The following ERC1 variants were observed in gnomAD, a reference collection of about 807,000 sequenced individuals.
ERC1 encodes ELKS/RAB6-interacting/CAST family member 1.
Under a neutral mutation model 132.0 loss-of-function variants are expected in ERC1, and 56 were observed. The observed-to-expected ratio is 0.42, with a 90% CI of 0.34 to 0.53. The LOEUF is 0.53. Ranked by LOEUF, ERC1 falls within the 20% of genes least tolerant of loss-of-function variation. The pLI is 0.03. For missense variants in ERC1, 1,202 were observed against 1,349.9 expected, an observed-to-expected ratio of 0.89 and a Z score of 1.72; for synonymous variants, 478 against 476.1, an observed-to-expected ratio of 1.00 and a Z score of -0.05.
intron 13 of ERC1, among the ~76,000 whole-genome samples, chr12:1,260,909 G>A (rs775831020): frequency 5.9e-5 from 9 of 152,072 alleles, no homozygotes; most frequent in Non-Finnish European, 1.2e-4. Flanking sequence ...TTATTATCGA[G>A]AAAGATTTTG....
chr12:1,268,291 G>T (rs1400065293), intron 14 of ERC1, among the ~76,000 whole-genome samples: 2 of 152,116 alleles, frequency 1.3e-5, no homozygotes, highest in East Asian at 3.8e-4. Flanking sequence ...TTTATTAAAT[G>T]GCAGTGTTGC....
intron 11 of ERC1, among the ~76,000 whole-genome samples, chr12:1,188,322 C>G (rs1174328630): frequency 6.6e-6 from 1 of 152,150 alleles, no homozygotes; most frequent in Non-Finnish European, 1.5e-5. Flanking sequence ...TGAAATATCT[C>G]CTGATCTTGG....
intron 1 of ERC1, among the ~76,000 whole-genome samples, chr12:1,015,589 C>A (rs889264395): frequency 2.0e-5 from 3 of 152,150 alleles, no homozygotes; most frequent in African/African-American, 7.2e-5. Context: ...TAAAGTGAAA[C>A]TTCTAGTTCA....
intron 16 of ERC1, among the ~76,000 whole-genome samples, chr12:1,391,680 C>T (rs574561331): frequency 1.2e-4 from 18 of 152,274 alleles, no homozygotes; most frequent in African/African-American, 2.6e-4. Context: ...TGGGGCCCGC[C>T]GCTTGGTCTT....
chr12:997,301 G>A (rs1461818390), intron 1 of ERC1, among the ~76,000 whole-genome samples: 1 of 152,218 alleles, frequency 6.6e-6, no homozygotes, highest in Non-Finnish European at 1.5e-5. Context: ...TGGAATTTAT[G>A]TATACGTCAG....
chr12:1,121,877 A>C (rs866265513), intron 7 of ERC1, among the ~76,000 whole-genome samples: 2 of 57,582 alleles, frequency 3.5e-5, no homozygotes, highest in East Asian at 4.1e-4. Flanking sequence ...CTCTATCTCT[A>C]TCTGTGTCTC....
At chr12:1,304,779 CTTTTTTTTTTTTTTTT>C (rs1186965322) in intron 15 of ERC1, among the ~76,000 whole-genome samples, 1 of 70,070 alleles carries the variant, frequency 1.4e-5, no homozygotes, top group East Asian at 4.6e-4. Context: ...TGTTGTAACT[CTTTTTTTTTTTTTTTT>C]TTTTTTTTTT....
rs193087553 is a variant in ERC1, at chr12:1,161,186, G to A, written c.1738-19354G>A. Among the ~76,000 whole-genome samples, 3 of 152,228 alleles carry A rather than the reference G, an allele frequency of 2.0e-5. No homozygotes were observed. In the East Asian group the frequency reaches 5.8e-4, roughly 29 times the overall value. On this transcript the variant is annotated intron_variant, in intron 8 of 18. Transcript: ENST00000360905. The stretch of plus-strand genomic sequence containing the variant: ...TGCTCTCAGGAGTCCCAGAATTATG[G>A]GAGGTTAGAAGGTTATGATACGAAT...
At position 1,441,688 on chromosome 12, in the gene ERC1, A is replaced by C. The variant is rs536836157; in HGVS notation, c.3025-2874A>C. On this transcript the variant is annotated intron_variant, in intron 17 of 18. Transcript: ENST00000360905. ...AATAAATTGCACAAATCCAGTGAAAATCCCAAAGGTGATTTTTTTAAATCA... is the reference window on the plus strand; with the variant it reads ...AATAAATTGCACAAATCCAGTGAAACTCCCAAAGGTGATTTTTTTAAATCA... Among the ~76,000 whole-genome samples, 17 of 152,314 alleles carry C rather than the reference A, an allele frequency of 1.1e-4. No individual in the cohort carries two copies. In the South Asian group the frequency reaches 3.1e-3, roughly 28 times the overall value.
intron 13 of ERC1, among the ~76,000 whole-genome samples, chr12:1,250,628 A>T (rs1367210126): frequency 6.6e-6 from 1 of 152,204 alleles, no homozygotes; most frequent in Admixed American, 6.5e-5. Flanking sequence ...ATTCTCTAAA[A>T]TTCTGTAGGC....
chr12:1,336,243 C>A (rs2083301136), intron 15 of ERC1, among the ~76,000 whole-genome samples: 1 of 151,946 alleles, frequency 6.6e-6, no homozygotes, highest in Admixed American at 6.6e-5. Context: ...TTTCATGTCT[C>A]AGTGTCCCTC....
intron 12 of ERC1, among the ~76,000 whole-genome samples, chr12:1,197,284 A>G (rs1956424626): frequency 1.3e-5 from 2 of 152,006 alleles, no homozygotes; most frequent in Non-Finnish European, 2.9e-5. Context: ...CCTGGCCTAG[A>G]TTTTTGTTAT....
intron 15 of ERC1, among the ~76,000 whole-genome samples, chr12:1,296,563 G>A (rs904384404): frequency 4.0e-5 from 6 of 151,844 alleles, no homozygotes; most frequent in Admixed American, 6.6e-5. Flanking sequence ...ACAGGCATGC[G>A]CCATCACAGC....
intron 17 of ERC1, among the ~76,000 whole-genome samples, chr12:1,434,408 T>TA (rs1179164142): frequency 6.6e-6 from 1 of 152,238 alleles, no homozygotes; most frequent in African/African-American, 2.4e-5. Flanking sequence ...GGAGCCTACT[T>TA]ACTCTTTATT....
At chr12:1,279,168 A>G (rs541211639) in intron 14 of ERC1, among the ~76,000 whole-genome samples, 1 of 152,294 alleles carries the variant, frequency 6.6e-6, no homozygotes, top group African/African-American at 2.4e-5. Context: ...CTCTTTACAT[A>G]AAATTTTTAG....
intron 15 of ERC1, among the ~76,000 whole-genome samples, chr12:1,353,876 T>C (rs2085271691): frequency 6.6e-6 from 1 of 152,256 alleles, no homozygotes; most frequent in Admixed American, 6.5e-5. Context: ...GGAAATTTTG[T>C]ATTCTTTATC....
At chr12:1,245,777 C>A (rs1263732412) in intron 13 of ERC1, among the ~76,000 whole-genome samples, 1 of 152,158 alleles carries the variant, frequency 6.6e-6, no homozygotes, top group African/African-American at 2.4e-5. Context: ...GATATGAATA[C>A]TCTTCCTTAC....
chr12:1,259,205 A>T (rs1189982823), intron 13 of ERC1, among the ~76,000 whole-genome samples: 2 of 152,048 alleles, frequency 1.3e-5, no homozygotes, highest in Non-Finnish European at 2.9e-5. Flanking sequence ...TGAGATGACC[A>T]CTTTCATCTC....
chr12:1,418,617 T>TC (rs2092261507), intron 17 of ERC1, among the ~76,000 whole-genome samples: 7 of 112,838 alleles, frequency 6.2e-5, no homozygotes, highest in African/African-American at 3.8e-4. Context: ...CTTTCTTTCT[T>TC]TCTTTCTTTC....
Sources: gnomAD v4.1 joint callset for allele counts (sites outside exome capture counted in the v4.1 genomes callset) on GRCh38, gnomAD v4.1.1 for gene constraint, MANE v1.5 for transcripts, NCBI Gene and HGNC (gene_info 2026-07-23, HGNC 2026-07-21) for gene names.